Variants in FGF14 observed in about 807,000 individuals in gnomAD.
The protein encoded by FGF14 is fibroblast growth factor 14.
A neutral mutation model predicts 25.5 loss-of-function variants in FGF14; 5 were observed. The ratio of observed to expected loss-of-function variants is 0.20; its 90% confidence interval spans 0.10 to 0.41. The LOEUF is 0.41. Ranked by LOEUF, FGF14 falls within the 10% of genes least tolerant of loss-of-function variation. FGF14 has a pLI of 1.00. For synonymous variants in FGF14, 138 were observed against 118.3 expected, an observed-to-expected ratio of 1.17 and a Z score of -1.08; for missense variants, 222 against 320.1, an observed-to-expected ratio of 0.69 and a Z score of 2.34.
At chr13:101,807,714 C>A (rs184299312) in intron 3 of FGF14, among the ~76,000 whole-genome samples, 1 of 151,940 alleles carries the variant, frequency 6.6e-6, no homozygotes, top group South Asian at 2.1e-4. Context: ...TATATCACTT[C>A]GAAACAAAGG....
At chr13:102,018,613 G>T (rs2040470029) in intron 1 of FGF14, among the ~76,000 whole-genome samples, 1 of 151,084 alleles carries the variant, frequency 6.6e-6, no homozygotes, top group Non-Finnish European at 1.5e-5. Context: ...TCCTTCTCTG[G>T]CCCTGAGGTC....
chr13:101,982,837 A>C (rs761634496), intron 1 of FGF14, among the ~76,000 whole-genome samples: 2 of 152,214 alleles, frequency 1.3e-5, no homozygotes, highest in South Asian at 4.1e-4. Context: ...AAGGCTCTAC[A>C]TCATTTATCC....
intron 1 of FGF14, among the ~76,000 whole-genome samples, chr13:101,997,368 T>C (rs1430239987): frequency 2.0e-5 from 3 of 152,232 alleles, no homozygotes; most frequent in Non-Finnish European, 2.9e-5. Context: ...TCAAGTTGAT[T>C]GGTTACTACA....
chr13:102,085,270 T>C (rs938767293), intron 1 of FGF14, among the ~76,000 whole-genome samples: 1 of 152,136 alleles, frequency 6.6e-6, no homozygotes, highest in East Asian at 1.9e-4. Context: ...AAGGAAGAGC[T>C]GAGCTACAAA....
intron 1 of FGF14, among the ~76,000 whole-genome samples, chr13:102,278,993 ATATT>A (rs1279069636): frequency 6.6e-6 from 1 of 152,184 alleles, no homozygotes; most frequent in African/African-American, 2.4e-5. Flanking sequence ...GATATTATAT[ATATT>A]TGACATATAT....
At chr13:102,330,555 C>T (rs1444706167) in intron 1 of FGF14, among the ~76,000 whole-genome samples, 1 of 152,196 alleles carries the variant, frequency 6.6e-6, no homozygotes, top group East Asian at 1.9e-4. Flanking sequence ...CAAAACACTG[C>T]CTATATTCTT....
intron 1 of FGF14, among the ~76,000 whole-genome samples, chr13:102,303,389 C>T (rs1451744147): frequency 6.6e-6 from 1 of 152,158 alleles, no homozygotes; most frequent in African/African-American, 2.4e-5. Flanking sequence ...GTTATAAACA[C>T]ACCATGAGGA....
At chr13:102,348,270 G>A (rs1296142312) in intron 1 of FGF14, among the ~76,000 whole-genome samples, 3 of 152,136 alleles carry the variant, frequency 2.0e-5, no homozygotes, top group Non-Finnish European at 4.4e-5. Flanking sequence ...TGACAACCAT[G>A]GTATATGTAA....
chr13:101,995,857 G>T (rs1348735658), intron 1 of FGF14, among the ~76,000 whole-genome samples: 2 of 152,106 alleles, frequency 1.3e-5, no homozygotes, highest in African/African-American at 4.8e-5. Context: ...GTGAGAAGCT[G>T]GGAAGGGTAG....
intron 1 of FGF14, among the ~76,000 whole-genome samples, chr13:102,098,855 T>C (rs2044526789): frequency 6.6e-6 from 1 of 152,226 alleles, no homozygotes; most frequent in Non-Finnish European, 1.5e-5. Context: ...AAGTCTTTTA[T>C]ATTAAACTTA....
Position 102,395,288 on chromosome 13 carries a change from GA to G in FGF14, c.208+6182del, listed in dbSNP as rs1308363732. The G allele has an allele frequency of 2.0e-5, 3 of 152,176 alleles. No individual in the cohort carries two copies. The East Asian group carries it at 5.8e-4, about 29-fold the overall frequency. 9.4% of individuals were successfully genotyped at this position (152,176 alleles called of 1,614,324 possible). Reference sequence around the variant, plus strand: ...AAGAAGAAAATTAAAGATTAAAAAAGAAAATGAAGGGTCTGGCAACTATGAA... The same window carrying G: ...AAGAAGAAAATTAAAGATTAAAAAAGAAATGAAGGGTCTGGCAACTATGAA... On this transcript the variant is annotated intron_variant, in intron 1 of 4. Transcript: ENST00000376131.
intron 1 of FGF14, among the ~76,000 whole-genome samples, chr13:101,942,137 CCT>C (rs1373990433): frequency 2.0e-5 from 3 of 152,048 alleles, no homozygotes; most frequent in African/African-American, 7.2e-5. Context: ...GCCTTAAAAC[CCT>C]TACCTGAGAA....
intron 1 of FGF14, among the ~76,000 whole-genome samples, chr13:102,148,177 AATCTT>A (rs555220714): frequency 2.3e-3 from 347 of 152,282 alleles, no homozygotes; most frequent in Admixed American, 3.7e-3. Context: ...TACTCTCTAA[AATCTT>A]ATCTTATATT....
At chr13:102,239,990 T>C (rs1364867241) in intron 1 of FGF14, among the ~76,000 whole-genome samples, 14 of 152,196 alleles carry the variant, frequency 9.2e-5, no homozygotes, top group Non-Finnish European at 1.0e-4. Flanking sequence ...TTTGTTCTGA[T>C]TGGGGAAAGG....
intron 1 of FGF14, among the ~76,000 whole-genome samples, chr13:102,259,720 T>C (rs952162406): frequency 6.6e-6 from 1 of 152,132 alleles, no homozygotes; most frequent in South Asian, 2.1e-4. Context: ...TTTATATGAA[T>C]GAACGAATGA....
At chr13:101,999,067 A>G (rs1463196448) in intron 1 of FGF14, among the ~76,000 whole-genome samples, 1 of 152,212 alleles carries the variant, frequency 6.6e-6, no homozygotes, top group Non-Finnish European at 1.5e-5. Context: ...CCAAATGCTA[A>G]GACTAGGGAG....
At chr13:102,161,600 A>AG (rs1491247266) in intron 1 of FGF14, among the ~76,000 whole-genome samples, 2 of 2,848 alleles carry the variant, frequency 7.0e-4, no homozygotes, top group Non-Finnish European at 5.2e-4. Context: ...AAGAAGAAGA[A>AG]GAAGAAGAAG....
chr13:101,795,907 G>A (rs2040493874), intron 3 of FGF14, among the ~76,000 whole-genome samples: 2 of 152,064 alleles, frequency 1.3e-5, no homozygotes, highest in Non-Finnish European at 2.9e-5. Context: ...CTGTAATCTT[G>A]TGTGTTTTCT....
At chr13:102,382,942 G>A (rs1224932794) in intron 1 of FGF14, among the ~76,000 whole-genome samples, 1 of 152,120 alleles carries the variant, frequency 6.6e-6, no homozygotes, top group Admixed American at 6.6e-5. Flanking sequence ...CCAGGGGATA[G>A]GGAATGGGGA....
Sources: allele counts gnomAD v4.1 joint callset (sites outside exome capture counted in the v4.1 genomes callset), GRCh38; gene constraint gnomAD v4.1.1; transcripts MANE v1.5; gene names NCBI Gene and HGNC (gene_info 2026-07-23, HGNC 2026-07-21).